VWDE: variants seen among roughly 807,000 people sequenced by gnomAD.
VWDE encodes von Willebrand factor D and EGF domain-containing protein.
A neutral mutation model predicts 178.4 loss-of-function variants in VWDE; 207 were observed. The observed-to-expected ratio is 1.16, with a 90% CI of 1.04 to 1.30. The LOEUF (loss-of-function observed/expected upper bound fraction) is 1.30. Among genes scored for constraint, VWDE ranks in the 50% most tolerant of loss-of-function variants. The pLI, the probability that VWDE is intolerant of heterozygous loss-of-function variation, is 0.00. For missense variants in VWDE, 2,287 were observed against 1,901.3 expected (o/e 1.20, Z -3.77); for synonymous variants, 738 against 651.4 (o/e 1.13, Z -2.02).
At chr7:12,378,639 G>A (rs1029838870) in intron 6 of VWDE, among the ~76,000 whole-genome samples, 3 of 152,154 alleles carry the variant, frequency 2.0e-5, no homozygotes, top group Non-Finnish European at 4.4e-5. Flanking sequence ...TGTCTGCTGA[G>A]TGCTAACCAA....
At chr7:12,361,728 A>G (rs1782593390) in intron 13 of VWDE, among the ~76,000 whole-genome samples, 1 of 152,150 alleles carries the variant, frequency 6.6e-6, no homozygotes, top group African/African-American at 2.4e-5. Flanking sequence ...ATTGCTCCCA[A>G]TGAATCATGC....
intron 19 of VWDE, 33 bp from the exon 20 acceptor site, chr7:12,344,502 G>A (rs1189706139): frequency 1.3e-6 from 2 of 1,494,538 alleles, no homozygotes; most frequent in Non-Finnish European, 1.8e-6. Context: ...AAGGTTGATT[G>A]CTAAAACAGA....
intron 4 of VWDE, among the ~76,000 whole-genome samples, chr7:12,381,358 C>T (rs1562508368): frequency 6.6e-6 from 1 of 151,978 alleles, no homozygotes; most frequent in Non-Finnish European, 1.5e-5. Flanking sequence ...TGAAAGTTTT[C>T]TGGATAAGTT....
intron 10 of VWDE, among the ~76,000 whole-genome samples, chr7:12,372,755 G>A (rs550204777): frequency 6.6e-6 from 1 of 152,154 alleles, no homozygotes; most frequent in Admixed American, 6.6e-5. Flanking sequence ...TTGTCATGCT[G>A]AAATGTTAAA....
chr7:12,353,684 C>T (rs7809990), intron 18 of VWDE: 138,869 of 152,232 alleles, frequency 0.91, 63,465 homozygotes, highest in African/African-American at 0.96. Context: ...ACACAGTTCC[C>T]TACCCACAAG....
chr7:12,344,206 G>A lies in VWDE; in HGVS notation c.4067C>T (p.Thr1356Ile), dbSNP rs1226308943. ...ATTTGAATTATCACCTTCATCACAG[G>A]TTGCTCCACCATGTCCTGGAAGACA... ...CQCLPGHGGA[T>I]CDEEHCNPPC... The change falls in exon 21 of 29, where the codon ACC becomes ATC. Residue 1356 changes from threonine (T) to isoleucine (I), a missense_variant. Coordinates refer to ENST00000275358, the MANE Select transcript of VWDE (RefSeq NM_001135924.3). 1.6e-5 allele frequency: 25 copies of A among 1,550,426 alleles called. No individual in the cohort carries two copies. Among genetic ancestry groups the A allele is most frequent in the Non-Finnish European group, 2.0e-5 (23 of 1,146,348 alleles).
chr7:12,359,596 T>G lies in VWDE; in HGVS notation c.3256A>C (p.Thr1086Pro). 1 of 1,549,416 alleles carries G rather than the reference T, an allele frequency of 6.5e-7. No homozygotes were observed. The highest frequency in any genetic ancestry group is 2.5e-5 in the East Asian group (1 of 40,768). The change falls in exon 16 of 29, where the codon ACT becomes CCT. Residue 1086 changes from threonine (T) to proline (P), a missense_variant. Transcript: ENST00000275358. ...LICRPKISRF[T>P]WSFLENNQPP... ...AACTTACTTTCTAAAAATGACCAAG[T>G]AAATCTTGAAATTTTGGGTCTACAA...
At chr7:12,344,952 A>G (rs865891845) in intron 19 of VWDE, among the ~76,000 whole-genome samples, 1 of 152,076 alleles carries the variant, frequency 6.6e-6, no homozygotes, top group African/African-American at 2.4e-5. Flanking sequence ...AATCAGATCT[A>G]TATTGACATC....
At chr7:12,362,614 T>C (rs1782647800) in intron 13 of VWDE, among the ~76,000 whole-genome samples, 1 of 152,132 alleles carries the variant, frequency 6.6e-6, no homozygotes, top group Non-Finnish European at 1.5e-5. Context: ...TGAAACTTAT[T>C]ACTGTCAAAT....
Position 12,361,249 on chromosome 7 carries a change from T to C in VWDE, c.3057A>G (p.Val1019=), listed in dbSNP as rs1353780053. ...TACTGAATTTATAACCATCATTAGATACCTGTAACATAATAGTTCTATAAT... is the reference window on the plus strand; with the variant it reads ...TACTGAATTTATAACCATCATTAGACACCTGTAACATAATAGTTCTATAAT... The part of the protein sequence containing the change: ...GKPTGKWQLK[V]SNDGYKFSNP... The change falls in exon 15 of 29, where the codon GTA becomes GTG. Residue 1019 remains valine (V), a splice_region_variant and synonymous_variant. Transcript: ENST00000275358. 11 of 1,542,162 alleles carry C rather than the reference T, an allele frequency of 7.1e-6. No individual in the cohort carries two copies. Among genetic ancestry groups the C allele is most frequent in the Non-Finnish European group, 9.6e-6 (11 of 1,139,984 alleles).
chr7:12,351,092 T>C (rs560655537), intron 19 of VWDE, among the ~76,000 whole-genome samples: 5 of 152,032 alleles, frequency 3.3e-5, no homozygotes, highest in Non-Finnish European at 5.9e-5. Context: ...ACAATAACAG[T>C]TGATGTTACA....
chr7:12,388,749 T>C (rs1032301935), intron 3 of VWDE: 13 of 341,858 alleles, frequency 3.8e-5, no homozygotes, highest in East Asian at 1.5e-4. Context: ...TCAATAAATA[T>C]TGGTGAATGA....
intron 2 of VWDE, among the ~76,000 whole-genome samples, chr7:12,390,627 T>C (rs1333692329): frequency 6.6e-6 from 1 of 151,752 alleles, no homozygotes; most frequent in Non-Finnish European, 1.5e-5. Flanking sequence ...TGTATAATTA[T>C]ACTATATTTG....
chr7:12,397,368 G>C lies in VWDE; in HGVS notation c.59-3590C>G, dbSNP rs779187861. Among the ~76,000 whole-genome samples the C allele has an allele frequency of 2.6e-5, 4 of 152,156 alleles. No homozygotes were observed. In the South Asian group the frequency reaches 8.3e-4, roughly 32 times the overall value. On this transcript the variant is annotated intron_variant, in intron 1 of 28. Coordinates refer to ENST00000275358, the MANE Select transcript of VWDE (RefSeq NM_001135924.3). ...GTCCTTGGATAACTGGCTAGCCATA[G>C]GCAGAAGAATGAAACTGTACCCCTA...
At chr7:12,349,419 T>C (rs1002299032) in intron 19 of VWDE, among the ~76,000 whole-genome samples, 7 of 151,160 alleles carry the variant, frequency 4.6e-5, no homozygotes, top group Admixed American at 4.0e-4. Context: ...AAATAATAAA[T>C]GTTCTAAAAG....
intron 1 of VWDE, among the ~76,000 whole-genome samples, chr7:12,400,683 T>C (rs940538979): frequency 2.0e-5 from 3 of 149,340 alleles, no homozygotes; most frequent in Admixed American, 6.6e-5. Flanking sequence ...GATGGAACAC[T>C]TTCCACCTCA....
In VWDE at chr7:12,370,122, A is replaced by G; in HGVS notation, c.2184T>C (p.Asn728=). The change falls in exon 12 of 29, where the codon AAT becomes AAC. Residue 728 remains asparagine, a synonymous_variant. Coordinates refer to ENST00000275358, the MANE Select transcript of VWDE (RefSeq NM_001135924.3). ...TTCCCCGGCCTTGTGTATATTTCTT[A>G]TTGGCCAAATATTGTAGTGAATCTT... ...EKEDSLQYLA[N]KKYTQGRGSH... 1.9e-6 allele frequency: 3 copies of G among 1,551,356 alleles called. No individual in the cohort carries two copies. Among genetic ancestry groups the G allele is most frequent in the South Asian group, 1.2e-5 (1 of 84,050 alleles).
In VWDE at chr7:12,370,824, C is replaced by A. The variant is rs1359012489; in HGVS notation, c.1628G>T (p.Gly543Val). The change falls in exon 11 of 29, where the codon GGT (glycine) becomes GTT (valine). Residue 543 changes from glycine to valine, a missense_variant. Coordinates refer to ENST00000275358, the MANE Select transcript of VWDE (RefSeq NM_001135924.3). ...GATCGTTAGACTCATGCCCCATTCA[C>A]CAAGATCAGCACGGATAAATGCCCC... The part of the protein sequence containing the change: ...SSGAFIRADL[G>V]EWGMSLTIRA... The A allele has an allele frequency of 6.4e-7, 1 of 1,550,746 alleles. No individual in the cohort carries two copies. The highest frequency in any genetic ancestry group is 1.2e-5 in the South Asian group (1 of 83,920).
chr7:12,359,164 C>G (rs1344736880), intron 16 of VWDE, among the ~76,000 whole-genome samples: 1 of 152,060 alleles, frequency 6.6e-6, no homozygotes, highest in African/African-American at 2.4e-5. Flanking sequence ...CAAAGTATCT[C>G]AAAATTATCT....
Sources: gnomAD v4.1 joint callset for allele counts (sites outside exome capture counted in the v4.1 genomes callset) on GRCh38, gnomAD v4.1.1 for gene constraint, MANE v1.5 for transcripts, NCBI Gene and HGNC (gene_info 2026-07-23, HGNC 2026-07-21) for gene names.